RBFOX1: variants seen among roughly 807,000 people sequenced by gnomAD.
RBFOX1 encodes the protein RNA binding protein fox-1 homolog 1.
In RBFOX1, 8 loss-of-function variants were observed where a neutral mutation model predicts 57.7. The ratio of observed to expected loss-of-function variants is 0.14; its 90% confidence interval spans 0.08 to 0.25. RBFOX1 has a LOEUF of 0.25. Ranked by LOEUF, RBFOX1 falls within the 10% of genes least tolerant of loss-of-function variation. RBFOX1 has a pLI of 1.00. For synonymous variants in RBFOX1, 326 were observed against 222.4 expected (o/e 1.47, Z -4.15); for missense variants, 611 against 548.5 (o/e 1.11, Z -1.14).
At chr16:7,094,771 T>TGTGG (rs1555466458) in intron 4 of RBFOX1, among the ~76,000 whole-genome samples, 4 of 140,844 alleles carry the variant, frequency 2.8e-5, no homozygotes, top group South Asian at 4.6e-4. Flanking sequence ...TGTGTGTGTG[T>TGTGG]GTGTGGGTGT....
chr16:6,551,539 C>T (rs556922197), intron 2 of RBFOX1, among the ~76,000 whole-genome samples: 17 of 152,288 alleles, frequency 1.1e-4, no homozygotes, highest in African/African-American at 3.4e-4. Flanking sequence ...GCTGGTAGCA[C>T]ACACATTCAT....
intron 4 of RBFOX1, among the ~76,000 whole-genome samples, chr16:7,205,715 G>T (rs2089822053): frequency 6.6e-6 from 1 of 152,160 alleles, no homozygotes; most frequent in Non-Finnish European, 1.5e-5. Flanking sequence ...TGCAGTCTTT[G>T]GTGATGGGCA....
At chr16:5,259,600 C>G (rs540070869) in intron 1 of RBFOX1, among the ~76,000 whole-genome samples, 225 of 152,246 alleles carry the variant, frequency 1.5e-3, no homozygotes, top group African/African-American at 5.0e-3. Flanking sequence ...GAGTGAGGCT[C>G]TAGGGAGGCC....
intron 4 of RBFOX1, among the ~76,000 whole-genome samples, chr16:7,343,048 G>A (rs746090480): frequency 6.6e-6 from 1 of 152,194 alleles, no homozygotes; most frequent in African/African-American, 2.4e-5. Flanking sequence ...GTAGGGGGAA[G>A]AGAGGCCTGT....
chr16:5,858,514 C>G (rs2057127680), intron 3 of RBFOX1, among the ~76,000 whole-genome samples: 1 of 152,170 alleles, frequency 6.6e-6, no homozygotes, highest in South Asian at 2.1e-4. Context: ...TTTCTTTCCT[C>G]TCTTCTGCCT....
chr16:5,632,199 T>C (rs2048532556), intron 3 of RBFOX1, among the ~76,000 whole-genome samples: 1 of 152,186 alleles, frequency 6.6e-6, no homozygotes, highest in Non-Finnish European at 1.5e-5. Context: ...ATACTAAAAA[T>C]AATTATTATT....
intron 1 of RBFOX1, among the ~76,000 whole-genome samples, chr16:6,022,694 C>G (rs962625486): frequency 1.3e-5 from 2 of 152,044 alleles, no homozygotes. Context: ...AAAAACAAAA[C>G]AAAACAAACA....
intron 1 of RBFOX1, among the ~76,000 whole-genome samples, chr16:6,176,351 G>A (rs944857123): frequency 2.8e-5 from 4 of 144,792 alleles, no homozygotes; most frequent in Non-Finnish European, 4.5e-5. Context: ...TAGATATGGG[G>A]TTTCGCCATG....
At chr16:6,990,144 C>G (rs1470397429) in intron 3 of RBFOX1, among the ~76,000 whole-genome samples, 1 of 152,186 alleles carries the variant, frequency 6.6e-6, no homozygotes, top group East Asian at 1.9e-4. Flanking sequence ...GTGCCCAACA[C>G]ACAGTAGGGA....
intron 3 of RBFOX1, among the ~76,000 whole-genome samples, chr16:6,732,852 G>A (rs1389785337): frequency 6.6e-6 from 1 of 152,140 alleles, no homozygotes; most frequent in African/African-American, 2.4e-5. Context: ...CAGCCATTAT[G>A]TAAACTTTTC....
chr16:6,062,596 GTA>G (rs1355797350), intron 1 of RBFOX1, among the ~76,000 whole-genome samples: 3 of 51,748 alleles, frequency 5.8e-5, no homozygotes, highest in East Asian at 3.1e-4. Flanking sequence ...TTGTATATAT[GTA>G]TATATGTTAC....
chr16:6,070,700 G>T (rs2095825498), intron 1 of RBFOX1, among the ~76,000 whole-genome samples: 9 of 151,794 alleles, frequency 5.9e-5, no homozygotes, highest in Admixed American at 5.9e-4. Flanking sequence ...TTGCTCATAT[G>T]CTGTATAACA....
At chr16:7,547,288 C>A (rs1245145527) in intron 5 of RBFOX1, among the ~76,000 whole-genome samples, 1 of 152,164 alleles carries the variant, frequency 6.6e-6, no homozygotes, top group African/African-American at 2.4e-5. Context: ...TAGCACCTTT[C>A]GATATGAAGT....
At chr16:5,722,563 A>T (rs2051975275) in intron 3 of RBFOX1, among the ~76,000 whole-genome samples, 1 of 152,122 alleles carries the variant, frequency 6.6e-6, no homozygotes. Context: ...ATTGACCCTC[A>T]GTTTGGTCCC....
intron 1 of RBFOX1, among the ~76,000 whole-genome samples, chr16:6,215,590 T>C (rs1376839080): frequency 6.6e-6 from 1 of 152,054 alleles, no homozygotes; most frequent in African/African-American, 2.4e-5. Flanking sequence ...ATTGAGAACA[T>C]TGCATTCCTT....
At chr16:6,229,575 T>C in intron 1 of RBFOX1, among the ~76,000 whole-genome samples, 1 of 152,182 alleles carries the variant, frequency 6.6e-6, no homozygotes, top group Non-Finnish European at 1.5e-5. Flanking sequence ...TTTTTATGCA[T>C]GTAGAAAAAT....
chr16:5,881,644 C>T (rs1159506327), intron 4 of RBFOX1, among the ~76,000 whole-genome samples: 1 of 152,040 alleles, frequency 6.6e-6, no homozygotes, highest in African/African-American at 2.4e-5. Flanking sequence ...TGTACCGCTG[C>T]ACTCCAGCCT....
chr16:6,780,554 TTACATATTTA>T (rs543685239), intron 3 of RBFOX1, among the ~76,000 whole-genome samples: 9,878 of 125,518 alleles, frequency 0.079, 719 homozygotes, highest in East Asian at 0.28. Flanking sequence ...ACATATATAT[TTACATATTTA>T]TATATATTTA....
At chr16:6,852,832 C>T (rs964161192) in intron 3 of RBFOX1, among the ~76,000 whole-genome samples, 1 of 151,872 alleles carries the variant, frequency 6.6e-6, no homozygotes, top group African/African-American at 2.4e-5. Context: ...AAACTGCTTT[C>T]CAGGTGAGGT....
Sources: allele counts gnomAD v4.1 joint callset (sites outside exome capture counted in the v4.1 genomes callset), GRCh38; gene constraint gnomAD v4.1.1; transcripts MANE v1.5; gene names NCBI Gene and HGNC (gene_info 2026-07-23, HGNC 2026-07-21).